The following SPATC1 variants were observed in gnomAD, a reference collection of about 807,000 sequenced individuals.
SPATC1 encodes the protein speriolin.
A neutral mutation model predicts 36.5 loss-of-function variants in SPATC1; 35 were observed. The observed-to-expected ratio is 0.96, with a 90% confidence interval of 0.73 to 1.27. The LOEUF (loss-of-function observed/expected upper bound fraction) is 1.27, where lower values mean the gene tolerates loss of function less well. Among genes scored for constraint, SPATC1 ranks in the 50% most tolerant of loss-of-function variants. SPATC1 has a pLI of 0.00. For synonymous variants in SPATC1, 361 were observed against 353.6 expected, an observed-to-expected ratio of 1.02 and a Z score of -0.24; for missense variants, 779 against 796.0, an observed-to-expected ratio of 0.98 and a Z score of 0.26.
At chr8:144,043,855 TCCCGAGTG>T (rs1835183719) in intron 4 of SPATC1, among the ~76,000 whole-genome samples, 1 of 152,122 alleles carries the variant, frequency 6.6e-6, no homozygotes, top group Admixed American at 6.6e-5. Context: ...CGTGGCAGTG[TCCCGAGTG>T]CTGCATAGGA....
At chr8:144,022,628 C>G (rs1357607927) in intron 1 of SPATC1, among the ~76,000 whole-genome samples, 1 of 149,092 alleles carries the variant, frequency 6.7e-6, no homozygotes, top group East Asian at 2.0e-4. Flanking sequence ...CCCTCAAGAC[C>G]CTCCCACTTC....
chr8:144,013,254 C>T (rs1179516562), intron 1 of SPATC1, among the ~76,000 whole-genome samples: 1 of 152,128 alleles, frequency 6.6e-6, no homozygotes, highest in Non-Finnish European at 1.5e-5. Flanking sequence ...TTGTCCATCC[C>T]TCTGGCTCAT....
intron 1 of SPATC1, among the ~76,000 whole-genome samples, chr8:144,032,228 C>G (rs1252196429): frequency 1.3e-5 from 2 of 152,028 alleles, no homozygotes; most frequent in Non-Finnish European, 2.9e-5. Context: ...CTGCCCAGAT[C>G]GGTTGAATCC....
rs782530456 is a variant in SPATC1 at position 144,046,793 on chromosome 8, G to A, written c.1613G>A (p.Arg538His). The A allele has an allele frequency of 1.6e-5, 25 of 1,608,100 alleles. No individual in the cohort carries two copies. The highest frequency in any genetic ancestry group is 1.6e-4 in the Middle Eastern group (1 of 6,082). Residue 538 changes from arginine (R) to histidine (H), a missense_variant, in exon 5 of 5, where the codon CGC becomes CAC. Arg to His is a conservative substitution (Grantham distance 29, BLOSUM62 0). Coordinates refer to ENST00000377470, the MANE Select transcript of SPATC1 (RefSeq NM_198572.3). This position sits in a 1 kb window ranked among gnomAD's most constrained non-coding sequence, Gnocchi z 6.6. Reference sequence around the variant, plus strand: ...AACGCTTATGGCATCCTGCGAGAGCGCCCGGAGCTGGCGGCGTCTGAGGGC... The same window carrying A: ...AACGCTTATGGCATCCTGCGAGAGCACCCGGAGCTGGCGGCGTCTGAGGGC... The part of the protein sequence containing the change: ...LVNAYGILRE[R>H]PELAASEGGP...
At chr8:144,044,541 C>G (rs1392852840) in intron 4 of SPATC1, among the ~76,000 whole-genome samples, 16 of 151,018 alleles carry the variant, frequency 1.1e-4, no homozygotes, top group African/African-American at 3.6e-4. Flanking sequence ...ATCTCCTGAC[C>G]TCGTGATCCG....
At chr8:144,027,599 C>T (rs1834711427) in intron 1 of SPATC1, among the ~76,000 whole-genome samples, 1 of 152,186 alleles carries the variant, frequency 6.6e-6, no homozygotes, top group Admixed American at 6.5e-5. Context: ...GGCCTTTACT[C>T]CATTCTGATT....
chr8:144,043,688 T>TAA (rs1835178475), intron 4 of SPATC1, among the ~76,000 whole-genome samples: 1 of 148,962 alleles, frequency 6.7e-6, no homozygotes, highest in Non-Finnish European at 1.5e-5. Flanking sequence ...GGACTACATT[T>TAA]TTTTTTTTTT....
At chr8:144,014,398 C>CAAG (rs35807642) in intron 1 of SPATC1, among the ~76,000 whole-genome samples, 66,391 of 142,896 alleles carry the variant, frequency 0.46, 16,180 homozygotes, top group African/African-American at 0.64. Context: ...AGAAGAAGAA[C>CAAG]AAGAAGAAGA....
intron 1 of SPATC1, among the ~76,000 whole-genome samples, 176 bp from the exon 2 acceptor site, chr8:144,039,733 C>G (rs1835008976): frequency 1.3e-5 from 2 of 152,168 alleles, no homozygotes; most frequent in South Asian, 4.1e-4. Context: ...GGCAGAGACG[C>G]CACCACCCTG....
intron 4 of SPATC1, among the ~76,000 whole-genome samples, chr8:144,044,468 ATT>A (rs541301271): frequency 7.1e-6 from 1 of 139,908 alleles, no homozygotes. Flanking sequence ...CGCCCAGCTA[ATT>A]TTTTTTTTTT....
chr8:144,029,882 CACT>C (rs1834760042), intron 1 of SPATC1, among the ~76,000 whole-genome samples: 1 of 152,176 alleles, frequency 6.6e-6, no homozygotes, highest in Non-Finnish European at 1.5e-5. Flanking sequence ...CGGTTCTATC[CACT>C]ACCGAAAGTG....
intron 1 of SPATC1, among the ~76,000 whole-genome samples, chr8:144,017,246 T>C (rs1834413026): frequency 1.3e-5 from 2 of 152,356 alleles, no homozygotes; most frequent in East Asian, 3.9e-4. Context: ...AGAGAATCTT[T>C]CTCTGGCCAC....
At chr8:144,029,202 TAAAAAAAAAAAA>T (rs1165801794) in intron 1 of SPATC1, among the ~76,000 whole-genome samples, 18 of 28,164 alleles carry the variant, frequency 6.4e-4, no homozygotes, top group South Asian at 5.0e-3. Flanking sequence ...ACCCCAGAAC[TAAAAAAAAAAAA>T]AAAAAAAAAA....
chr8:144,032,268 T>C lies in SPATC1; in HGVS notation c.212-7641T>C, dbSNP rs1033954611. On this transcript the variant is annotated intron_variant, in intron 1 of 4. Transcript: ENST00000377470. ...CGTGAATTTTTCAATTTAGTTATGG[T>C]ATTTTTTATTATTTTATTTTATTTT... Among the ~76,000 whole-genome samples the C allele has an allele frequency of 3.9e-5, 6 of 152,168 alleles. No homozygotes were observed. In the East Asian group the frequency reaches 1.2e-3, roughly 29 times the overall value.
chr8:144,020,703 TCCTCTTCCCTCAGGAG>T (rs1355328271), intron 1 of SPATC1, among the ~76,000 whole-genome samples: 28 of 15,438 alleles, frequency 1.8e-3, no homozygotes, highest in East Asian at 6.6e-3. Context: ...TCCCTCAGGA[TCCTCTTCCCTCAGGAG>T]CCTCTTCCCT....
chr8:144,012,295 G>A lies in SPATC1; in HGVS notation c.-221G>A. The A allele has an allele frequency of 1.8e-6, 1 of 564,676 alleles. No homozygotes were observed. Among genetic ancestry groups the A allele is most frequent in the African/African-American group, 1.9e-5 (1 of 53,322 alleles). 35.0% of individuals were successfully genotyped at this position (564,676 alleles called of 1,614,324 possible). The stretch of plus-strand genomic sequence containing the variant: ...AAAGGTCAGGACATTCCAGGCCGAG[G>A]CAAGGCCTGTGTACAGGCCTGGTGG... On this transcript the variant is annotated 5_prime_UTR_variant, in exon 1 of 5. Coordinates refer to ENST00000377470, the MANE Select transcript of SPATC1 (RefSeq NM_198572.3).
chr8:144,025,798 G>T (rs887700965), intron 1 of SPATC1, among the ~76,000 whole-genome samples: 4 of 152,164 alleles, frequency 2.6e-5, no homozygotes, highest in Admixed American at 2.0e-4. Flanking sequence ...TGCTCCTCAT[G>T]GTCTGTGCCT....
chr8:144,023,095 C>CTACCCT (rs1834578513), intron 1 of SPATC1, among the ~76,000 whole-genome samples: 1 of 146,552 alleles, frequency 6.8e-6, no homozygotes, highest in African/African-American at 2.5e-5. Context: ...TCCTCAGGAC[C>CTACCCT]CTCTTCTCTC....
rs1167479090 is a variant in SPATC1 at position 144,040,141 on chromosome 8, C to T, written c.444C>T (p.Pro148=). The T allele has an allele frequency of 6.2e-7, 1 of 1,609,436 alleles. No individual in the cohort carries two copies. Among genetic ancestry groups the T allele is most frequent in the Admixed American group, 1.7e-5 (1 of 59,632 alleles). Reference sequence around the variant, plus strand: ...TCCTGACCAGTCCCATTGCGGGACCCCTAACAGGCACACTGGCCAGTTCCC... The same window carrying T: ...TCCTGACCAGTCCCATTGCGGGACCTCTAACAGGCACACTGGCCAGTTCCC... ...TSFLTSPIAG[P]LTGTLASSLG... is the part of the protein sequence containing the mutation. The change falls in exon 2 of 5, where the codon CCC becomes CCT. Residue 148 remains proline (P), a synonymous_variant. Transcript: ENST00000377470.
Sources: allele counts gnomAD v4.1 joint callset (sites outside exome capture counted in the v4.1 genomes callset), GRCh38; gene constraint gnomAD v4.1.1; non-coding constraint Gnocchi (gnomAD v3.1); transcripts MANE v1.5; gene names NCBI Gene and HGNC (gene_info 2026-07-23, HGNC 2026-07-21).